ARHGAP10: variants seen among roughly 807,000 people sequenced by gnomAD.
ARHGAP10 encodes the protein rho GTPase-activating protein 10.
A neutral mutation model predicts 108.6 loss-of-function variants in ARHGAP10; 87 were observed. That is an observed-to-expected ratio of 0.80 (90% CI 0.67 to 0.96). The LOEUF (loss-of-function observed/expected upper bound fraction) is 0.96, where lower values mean the gene tolerates loss of function less well. Ranked by LOEUF, ARHGAP10 falls within the 40% of genes least tolerant of loss-of-function variation. ARHGAP10 has a pLI of 0.00. For missense variants in ARHGAP10, 939 were observed against 954.5 expected, an observed-to-expected ratio of 0.98 and a Z score of 0.21; for synonymous variants, 347 against 341.1, an observed-to-expected ratio of 1.02 and a Z score of -0.19.
intron 1 of ARHGAP10, among the ~76,000 whole-genome samples, chr4:147,803,903 G>A (rs1236782262): frequency 6.6e-6 from 1 of 151,888 alleles, no homozygotes; most frequent in African/African-American, 2.4e-5. Context: ...AACATGAGGT[G>A]TGCAGGTTTC....
At chr4:147,929,569 A>T (rs1737589485) in intron 13 of ARHGAP10, among the ~76,000 whole-genome samples, 1 of 152,208 alleles carries the variant, frequency 6.6e-6, no homozygotes, top group African/African-American at 2.4e-5. Flanking sequence ...AGGACTAGTT[A>T]TAAATATATG....
At chr4:147,980,198 G>A (rs770306415) in intron 18 of ARHGAP10, among the ~76,000 whole-genome samples, 138 of 152,092 alleles carry the variant, frequency 9.1e-4, no homozygotes, top group Non-Finnish European at 1.4e-3. Context: ...TTATTTTGAG[G>A]TATCTTCTTT....
chr4:147,881,752 G>T (rs1210524821), intron 9 of ARHGAP10, 86 bp from the exon 10 acceptor site: 2 of 1,164,788 alleles, frequency 1.7e-6, no homozygotes, highest in Middle Eastern at 2.0e-4. Flanking sequence ...CTTGAACCTT[G>T]CTCCCCTGCT....
At chr4:147,948,550 G>T (rs910184071) in intron 15 of ARHGAP10, among the ~76,000 whole-genome samples, 3 of 152,064 alleles carry the variant, frequency 2.0e-5, no homozygotes, top group Admixed American at 6.5e-5. Context: ...GGTCATTTTT[G>T]ATTATATCTT....
At chr4:147,767,107 G>A (rs185619530) in intron 1 of ARHGAP10, among the ~76,000 whole-genome samples, 284 of 151,838 alleles carry the variant, frequency 1.9e-3, no homozygotes, top group African/African-American at 6.0e-3. Flanking sequence ...CACTTTGGCC[G>A]CCCAAAGTGC....
intron 18 of ARHGAP10, among the ~76,000 whole-genome samples, chr4:148,021,541 G>A (rs1482222077): frequency 6.6e-6 from 1 of 152,176 alleles, no homozygotes; most frequent in Non-Finnish European, 1.5e-5. Flanking sequence ...AGGTAAGCCA[G>A]GGAGCTGTTT....
chr4:147,782,079 A>G (rs1730559566), intron 1 of ARHGAP10, among the ~76,000 whole-genome samples: 1 of 152,194 alleles, frequency 6.6e-6, no homozygotes. Context: ...CAAAGTAACA[A>G]CTTGAATGAA....
At chr4:147,997,443 A>G (rs1740518074) in intron 18 of ARHGAP10, among the ~76,000 whole-genome samples, 1 of 152,254 alleles carries the variant, frequency 6.6e-6, no homozygotes, top group East Asian at 1.9e-4. Flanking sequence ...CCAAAACAAC[A>G]TTTCAAAACA....
At chr4:147,985,506 T>A (rs1365255557) in intron 18 of ARHGAP10, among the ~76,000 whole-genome samples, 1 of 152,124 alleles carries the variant, frequency 6.6e-6, no homozygotes, top group Admixed American at 6.5e-5. Context: ...CTCCTCTTAC[T>A]TTTGGACCTG....
At chr4:147,819,068 A>G (rs2043644) in intron 1 of ARHGAP10, among the ~76,000 whole-genome samples, 110,106 of 152,222 alleles carry the variant, frequency 0.72, 44,925 homozygotes, top group Non-Finnish European at 0.91. Flanking sequence ...CAGATTAGTT[A>G]TGCAAATGAG....
At chr4:147,977,419 T>C (rs1042802472) in intron 18 of ARHGAP10, among the ~76,000 whole-genome samples, 1 of 152,190 alleles carries the variant, frequency 6.6e-6, no homozygotes, top group Non-Finnish European at 1.5e-5. Context: ...ATTTTTTCTT[T>C]GTAAAATAAA....
chr4:147,933,405 C>T (rs1183635404), intron 13 of ARHGAP10, among the ~76,000 whole-genome samples: 1 of 152,106 alleles, frequency 6.6e-6, no homozygotes, highest in East Asian at 1.9e-4. Flanking sequence ...TGAATGCTCT[C>T]GATGCTTGTG....
At chr4:148,062,327 G>T (rs10519932) in intron 20 of ARHGAP10, among the ~76,000 whole-genome samples, 6,366 of 152,262 alleles carry the variant, frequency 0.042, 474 homozygotes, top group African/African-American at 0.14. Flanking sequence ...GTGGAAACTG[G>T]TGTACTGGTT....
At chr4:147,875,418 C>T (rs542439638) in intron 8 of ARHGAP10, among the ~76,000 whole-genome samples, 1 of 152,284 alleles carries the variant, frequency 6.6e-6, no homozygotes, top group East Asian at 1.9e-4. Flanking sequence ...GTGTGCACCC[C>T]AGGAACATGC....
chr4:147,949,583 C>CA (rs1738519813), intron 15 of ARHGAP10, among the ~76,000 whole-genome samples: 1 of 93,080 alleles, frequency 1.1e-5, no homozygotes, highest in African/African-American at 4.2e-5. Context: ...TTATTTGATT[C>CA]AAAATGTCAA....
At chr4:147,886,263 G>T (rs1017571420) in intron 10 of ARHGAP10, among the ~76,000 whole-genome samples, 1 of 152,168 alleles carries the variant, frequency 6.6e-6, no homozygotes, top group Non-Finnish European at 1.5e-5. Flanking sequence ...ACAAGTCTTG[G>T]TAATTTCAGT....
At position 148,052,263 on chromosome 4, in the gene ARHGAP10, C is replaced by A. The variant is rs183953839; in HGVS notation, c.2027+5212C>A. ...CCTCTCTCTCCTCCTTCAGAGAGGG[C>A]TTCCTCAACCCCAGCACTCCTTGAG... is the stretch of plus-strand genomic sequence containing the variant. On this transcript the variant is annotated intron_variant, in intron 20 of 22. Coordinates refer to ENST00000336498, the MANE Select transcript of ARHGAP10 (RefSeq NM_024605.4). 1.8e-3 allele frequency among the ~76,000 whole-genome samples: 272 copies of A among 150,400 alleles called. 1 individual carries two copies. The highest frequency in any genetic ancestry group is 6.3e-3 in the African/African-American group (256 of 40,670).
At chr4:147,970,491 A>T (rs138651953) in intron 18 of ARHGAP10, among the ~76,000 whole-genome samples, 2 of 152,166 alleles carry the variant, frequency 1.3e-5, no homozygotes, top group African/African-American at 4.8e-5. Context: ...TATGTGTGTC[A>T]CTGACAGTGG....
intron 9 of ARHGAP10, among the ~76,000 whole-genome samples, chr4:147,880,996 A>G (rs547603753): frequency 4.6e-5 from 7 of 152,212 alleles, no homozygotes; most frequent in Admixed American, 1.3e-4. Context: ...ACATTTGGCC[A>G]GGGACACTGG....
Sources: gnomAD v4.1 joint callset for allele counts (sites outside exome capture counted in the v4.1 genomes callset) on GRCh38, gnomAD v4.1.1 for gene constraint, MANE v1.5 for transcripts, NCBI Gene and HGNC (gene_info 2026-07-23, HGNC 2026-07-21) for gene names.